The following ADK variants were observed in gnomAD, a reference collection of about 807,000 sequenced individuals.
The protein encoded by ADK is adenosine kinase, also known as N6,N6-dimethyladenosine kinase.
ADK carries 24 observed loss-of-function variants against 44.7 expected under a neutral mutation model. That is an observed-to-expected ratio of 0.54 (90% CI 0.39 to 0.76). The LOEUF (loss-of-function observed/expected upper bound fraction) is 0.76. Ranked by LOEUF, ADK falls within the 30% of genes least tolerant of loss-of-function variation. The pLI is 0.00. For missense variants in ADK, 321 were observed against 425.1 expected (o/e 0.76, Z 2.15); for synonymous variants, 128 against 142.6 (o/e 0.90, Z 0.73).
At chr10:74,244,359 A>G (rs1845336341) in intron 3 of ADK, among the ~76,000 whole-genome samples, 2 of 152,240 alleles carry the variant, frequency 1.3e-5, no homozygotes, top group Non-Finnish European at 2.9e-5. Context: ...TGGAAGATCT[A>G]GAATATTTGG....
intron 7 of ADK, among the ~76,000 whole-genome samples, chr10:74,531,283 T>C (rs1354896054): frequency 1.3e-5 from 2 of 152,194 alleles, no homozygotes; most frequent in Non-Finnish European, 2.9e-5. Context: ...AAAGGAATTT[T>C]GTCTCATTAG....
At chr10:74,627,022 G>A (rs1367358671) in intron 9 of ADK, among the ~76,000 whole-genome samples, 1 of 152,104 alleles carries the variant, frequency 6.6e-6, no homozygotes, top group Non-Finnish European at 1.5e-5. Flanking sequence ...TGATTACTAT[G>A]AAGGATCTAC....
intron 6 of ADK, among the ~76,000 whole-genome samples, chr10:74,489,391 G>T (rs918959130): frequency 6.6e-5 from 10 of 152,046 alleles, no homozygotes; most frequent in Non-Finnish European, 1.2e-4. Flanking sequence ...ATAGAGAAGT[G>T]AGGAAAGGAG....
intron 3 of ADK, among the ~76,000 whole-genome samples, chr10:74,270,763 G>A (rs1175241831): frequency 3.9e-5 from 6 of 152,198 alleles, no homozygotes; most frequent in Admixed American, 6.5e-5. Context: ...AAAAGACTAA[G>A]AGTTTGAGAA....
At chr10:74,416,314 T>A (rs1377886096) in intron 6 of ADK, among the ~76,000 whole-genome samples, 1 of 151,958 alleles carries the variant, frequency 6.6e-6, no homozygotes, top group Non-Finnish European at 1.5e-5. Flanking sequence ...ATAATAGGGA[T>A]CTTTTGACTC....
chr10:74,672,968 C>A (rs1475938361), intron 10 of ADK, among the ~76,000 whole-genome samples: 15 of 152,192 alleles, frequency 9.9e-5, no homozygotes, highest in Admixed American at 9.8e-4. Context: ...TTACTCACCA[C>A]ACTAATACTG....
chr10:74,279,431 C>T lies in ADK; in HGVS notation c.195-35236C>T, dbSNP rs369466751. The stretch of plus-strand genomic sequence containing the variant: ...TGAAACCCCGTCTCTACTAAAAATA[C>T]AAAAATTAGCTGGGCATGGTGGCTC... On this transcript the variant is annotated intron_variant, in intron 3 of 10. Transcript: ENST00000539909. Among the ~76,000 whole-genome samples the T allele has an allele frequency of 2.1e-4, 32 of 151,700 alleles. No homozygotes were observed. The East Asian group carries it at 5.9e-3, about 28-fold the overall frequency.
intron 1 of ADK, among the ~76,000 whole-genome samples, chr10:74,189,284 T>C (rs898104750): frequency 6.6e-6 from 1 of 152,316 alleles, no homozygotes; most frequent in Admixed American, 6.5e-5. Flanking sequence ...CAATTTTACA[T>C]GGTGTTCAGG....
intron 6 of ADK, among the ~76,000 whole-genome samples, chr10:74,457,286 A>G (rs905979079): frequency 5.9e-5 from 9 of 152,216 alleles, no homozygotes; most frequent in Admixed American, 2.6e-4. Flanking sequence ...ACCAGGAGGA[A>G]GTGAATCCCT....
intron 1 of ADK, among the ~76,000 whole-genome samples, chr10:74,192,207 C>T (rs1217594323): frequency 6.6e-6 from 1 of 151,394 alleles, no homozygotes; most frequent in Admixed American, 6.6e-5. Context: ...AGATTTTTAC[C>T]ATTTTTTTTT....
chr10:74,182,165 G>C (rs145633826), intron 1 of ADK, among the ~76,000 whole-genome samples: 514 of 152,078 alleles, frequency 3.4e-3, no homozygotes, highest in African/African-American at 0.011. Context: ...TTGTTGAGTT[G>C]GTTTCTTTAG....
intron 3 of ADK, among the ~76,000 whole-genome samples, chr10:74,266,465 A>C (rs994374192): frequency 2.6e-5 from 4 of 152,132 alleles, no homozygotes; most frequent in Non-Finnish European, 5.9e-5. Flanking sequence ...GCTGAGGCAG[A>C]GAATTGCTTG....
At position 74,485,220 on chromosome 10, in the gene ADK, A is replaced by C. The variant is rs148504070; in HGVS notation, c.556-40036A>C. On this transcript the variant is annotated intron_variant, in intron 6 of 10. Transcript: ENST00000539909. ...ACAACACAGAAGAAAAATAGTCAAA[A>C]GATACCAACAGGAAATTTACCTTAG... is the stretch of plus-strand genomic sequence containing the variant. 5.0e-3 allele frequency among the ~76,000 whole-genome samples: 754 copies of C among 152,266 alleles called. 10 individuals carry two copies. The highest frequency in any genetic ancestry group is 0.017 in the African/African-American group (708 of 41,566).
At chr10:74,393,006 A>G (rs185424308) in intron 4 of ADK, among the ~76,000 whole-genome samples, 162 of 152,242 alleles carry the variant, frequency 1.1e-3, no homozygotes, top group Middle Eastern at 3.4e-3. Flanking sequence ...TGCCATTACA[A>G]ATAACATCTC....
At chr10:74,447,294 AG>A (rs1845621214) in intron 6 of ADK, among the ~76,000 whole-genome samples, 1 of 152,084 alleles carries the variant, frequency 6.6e-6, no homozygotes, top group South Asian at 2.1e-4. Context: ...TGGTGGGGTG[AG>A]GGTGGGCATT....
intron 2 of ADK, among the ~76,000 whole-genome samples, chr10:74,221,684 T>C (rs2132233159): frequency 1.4e-5 from 2 of 146,278 alleles, no homozygotes; most frequent in South Asian, 4.4e-4. Flanking sequence ...TATAGATCAA[T>C]GGAACAGAAC....
chr10:74,304,737 A>T (rs1840188166), intron 3 of ADK, among the ~76,000 whole-genome samples: 1 of 152,204 alleles, frequency 6.6e-6, no homozygotes, highest in Non-Finnish European at 1.5e-5. Flanking sequence ...AAAATCCAAG[A>T]ACAATAGCAG....
chr10:74,595,407 G>A (rs374198911), intron 8 of ADK, among the ~76,000 whole-genome samples: 107,594 of 107,806 alleles, frequency 1, 53,692 homozygotes, highest in Middle Eastern at 1. Flanking sequence ...AGGGGGTTTG[G>A]CTTTGTCACG....
intron 6 of ADK, among the ~76,000 whole-genome samples, chr10:74,494,286 C>T (rs1201943228): frequency 6.6e-6 from 1 of 152,106 alleles, no homozygotes; most frequent in Non-Finnish European, 1.5e-5. Flanking sequence ...TTACCAACTT[C>T]CTACTATGAT....
Sources: gnomAD v4.1 joint callset for allele counts (sites outside exome capture counted in the v4.1 genomes callset) on GRCh38, gnomAD v4.1.1 for gene constraint, MANE v1.5 for transcripts, NCBI Gene and HGNC (gene_info 2026-07-23, HGNC 2026-07-21) for gene names.